Variants in ASIC4 observed in about 807,000 individuals in gnomAD.
ASIC4 encodes acid-sensing ion channel 4.
A neutral mutation model predicts 53.4 loss-of-function variants in ASIC4; 28 were observed. That is an observed-to-expected ratio of 0.52 (90% CI 0.39 to 0.72). The LOEUF is 0.72. Among genes scored for constraint, ASIC4 ranks in the 30% least tolerant of loss-of-function variants. The probability of loss-of-function intolerance (pLI) is 0.00; values close to 1 mark genes in which losing one functional copy is unlikely to be tolerated. For synonymous variants in ASIC4, 289 were observed against 301.4 expected (o/e 0.96, Z 0.43); for missense variants, 649 against 729.7 (o/e 0.89, Z 1.27).
chr2:219,525,242 A>T (rs1694944447), intron 1 of ASIC4, among the ~76,000 whole-genome samples: 1 of 152,244 alleles, frequency 6.6e-6, no homozygotes, highest in Non-Finnish European at 1.5e-5. Flanking sequence ...TTACTGGTGC[A>T]CGTATATGAC....
chr2:219,513,057 T>C (rs1295190494), upstream of ASIC4, among the ~76,000 whole-genome samples: 1 of 152,170 alleles, frequency 6.6e-6, no homozygotes, highest in Non-Finnish European at 1.5e-5. Flanking sequence ...GGGGTGGCCG[T>C]TGGGCAGCGG....
In ASIC4 at chr2:219,537,963, G is replaced by C; in HGVS notation, c.1537G>C (p.Gly513Arg). The C allele has an allele frequency of 6.2e-7, 1 of 1,612,244 alleles. No homozygotes were observed. The highest frequency in any genetic ancestry group is 2.2e-5 in the East Asian group (1 of 44,844). ...SPCPSRGRVEGGGVSSLLPNH... is the reference protein window; with the variant it reads ...SPCPSRGRVERGGVSSLLPNH... Reference sequence around the variant, plus strand: ...CTGCCCGAGCCGGGGCCGAGTGGAGGGTGGGGGGGTCAGCAGTCTGCTCCC... The same window carrying C: ...CTGCCCGAGCCGGGGCCGAGTGGAGCGTGGGGGGGTCAGCAGTCTGCTCCC... Residue 513 changes from glycine to arginine, a missense_variant, in exon 10 of 10, where the codon GGT becomes CGT. Coordinates refer to ENST00000358078, the MANE Select transcript of ASIC4 (RefSeq NM_018674.6). This position sits in a 1 kb window ranked among gnomAD's most constrained non-coding sequence, Gnocchi z 4.9.
At position 219,514,836 on chromosome 2, in the gene ASIC4, G is replaced by T. The variant is rs553060330; in HGVS notation, c.112G>T (p.Ala38Ser). Residue 38 changes from alanine (A) to serine (S), a missense_variant, in exon 1 of 10, where the codon GCC (alanine) becomes TCC (serine). By Grantham distance (99) the Ala-to-Ser change is moderately conservative. Transcript: ENST00000358078. ...CCTCGGGGCTGTTGCCCCTGGAGCA[G>T]CCCCCCGAGACCTGGCCACCTTTGC... Reference protein sequence around the residue: ...SLLGAVAPGAAPRDLATFAST... With the variant: ...SLLGAVAPGASPRDLATFAST... The T allele has an allele frequency of 1.2e-5, 19 of 1,613,210 alleles. No individual in the cohort carries two copies. The Admixed American group carries it at 2.2e-4, about 18-fold the overall frequency.
rs1304489815 is a variant in ASIC4 at position 219,538,197 on chromosome 2, A to C, written c.*151A>C. 8 of 688,330 alleles carry C rather than the reference A, an allele frequency of 1.2e-5. No individual in the cohort carries two copies. Among genetic ancestry groups the C allele is most frequent in the African/African-American group, 1.8e-5 (1 of 55,868 alleles). 42.6% of individuals were successfully genotyped at this position (688,330 alleles called of 1,614,324 possible). A position where few individuals can be genotyped will look rare whatever the true frequency, so the allele number is the denominator to read the frequency against. On this transcript the variant is annotated 3_prime_UTR_variant, in exon 10 of 10. Transcript: ENST00000358078. Reference sequence around the variant, plus strand: ...TCTCATCCTCCCCTGCCCTGATGTCAGCTGCTTTGCACAAAGGTCCTTCTT... The same window carrying C: ...TCTCATCCTCCCCTGCCCTGATGTCCGCTGCTTTGCACAAAGGTCCTTCTT...
intron 1 of ASIC4, among the ~76,000 whole-genome samples, chr2:219,520,821 G>A (rs1486134129): frequency 6.6e-6 from 1 of 152,190 alleles, no homozygotes; most frequent in Non-Finnish European, 1.5e-5. Flanking sequence ...ATACAGTAGG[G>A]AAGGGTGGGG....
intron 1 of ASIC4, among the ~76,000 whole-genome samples, chr2:219,523,196 G>A (rs983028313): frequency 6.6e-6 from 1 of 152,336 alleles, no homozygotes; most frequent in African/African-American, 2.4e-5. Flanking sequence ...GGGAATGTCA[G>A]GGAAGGACTT....
upstream of ASIC4, among the ~76,000 whole-genome samples, chr2:219,513,405 C>A (rs1574484772): frequency 6.6e-6 from 1 of 152,006 alleles, no homozygotes; most frequent in Non-Finnish European, 1.5e-5. Context: ...TGATGGCCCA[C>A]ATGCCTGTTC....
the ASIC4 span, among the ~76,000 whole-genome samples, chr2:219,508,686 C>T: frequency 6.6e-6 from 1 of 152,000 alleles, no homozygotes; most frequent in African/African-American, 2.4e-5. Context: ...TGCAGGGGGC[C>T]CCTTTGTCCA....
At chr2:219,535,880 C>A (rs951499032) in intron 6 of ASIC4, among the ~76,000 whole-genome samples, 2 of 150,282 alleles carry the variant, frequency 1.3e-5, no homozygotes, top group Non-Finnish European at 2.9e-5. Context: ...TCAAGCGATT[C>A]TTCTCCCTCA....
chr2:219,535,423 ATGTGTGTATGTGTT>A (rs1388421876), intron 6 of ASIC4, 99 bp downstream of exon 6: 9 of 1,308,500 alleles, frequency 6.9e-6, no homozygotes, highest in Middle Eastern at 2.7e-4. Context: ...GTGTGAGTGT[ATGTGTGTATGTGTT>A]TGTGTGTATG....
At chr2:219,509,033 C>T in the ASIC4 span, among the ~76,000 whole-genome samples, 1 of 143,370 alleles carries the variant, frequency 7.0e-6, no homozygotes, top group East Asian at 2.0e-4. The surrounding 1 kb of genome is among the most constrained non-coding windows in gnomAD (Gnocchi z 5.2). Context: ...AGGAGCCAGC[C>T]GAGGGGGAAA....
chr2:219,537,290 CG>C lies in ASIC4; in HGVS notation c.1371del (p.Leu458CysfsTer16). ...CTGTTCATTGGGGCCAGCATCCTCACGTTGCTGGAGATCCTCGACTACATCT... is the reference window on the plus strand; with the variant it reads ...CTGTTCATTGGGGCCAGCATCCTCACTTGCTGGAGATCCTCGACTACATCT... ...MGLFIGASIL[T>X]LLEILDYIYE... On this transcript the variant is annotated frameshift_variant, in exon 8 of 10. Coordinates refer to ENST00000358078, the MANE Select transcript of ASIC4 (RefSeq NM_018674.6). LOFTEE classifies it high-confidence loss of function. This position sits in a 1 kb window ranked among gnomAD's most constrained non-coding sequence, Gnocchi z 4.9. 6.2e-7 allele frequency: 1 copy of C among 1,613,568 alleles called. No homozygotes were observed. Among genetic ancestry groups the C allele is most frequent in the Non-Finnish European group, 8.5e-7 (1 of 1,179,852 alleles).
At chr2:219,523,965 A>G (rs1694927976) in intron 1 of ASIC4, among the ~76,000 whole-genome samples, 1 of 151,934 alleles carries the variant, frequency 6.6e-6, no homozygotes, top group African/African-American at 2.4e-5. Context: ...CTGGGACTAC[A>G]TGTGTGAGCC....
At chr2:219,508,894 A>C in the ASIC4 span, among the ~76,000 whole-genome samples, 9 of 136,554 alleles carry the variant, frequency 6.6e-5, no homozygotes, top group African/African-American at 5.3e-5. Context: ...TTATTCTGTA[A>C]AATCAGCGAG....
At chr2:219,513,759 A>G (rs1027272633), upstream of ASIC4, among the ~76,000 whole-genome samples, 2 of 152,218 alleles carry the variant, frequency 1.3e-5, no homozygotes, top group African/African-American at 4.8e-5. Context: ...TCCCAGACAT[A>G]TGAATGACTG....
intron 1 of ASIC4, among the ~76,000 whole-genome samples, chr2:219,522,431 C>T (rs1461685814): frequency 2.0e-5 from 3 of 151,386 alleles, no homozygotes; most frequent in Admixed American, 6.5e-5. Context: ...GGCTGGGAAC[C>T]CCTGGGCGAC....
chr2:219,519,600 C>A (rs1183585592), intron 1 of ASIC4, among the ~76,000 whole-genome samples: 1 of 152,244 alleles, frequency 6.6e-6, no homozygotes, highest in Non-Finnish European at 1.5e-5. Flanking sequence ...CTGTGCTTGT[C>A]CAACTTGGTA....
intron 5 of ASIC4, 104 bp from the exon 6 acceptor site, chr2:219,535,067 G>A (rs1695105605): frequency 6.8e-7 from 1 of 1,480,932 alleles, no homozygotes; most frequent in South Asian, 1.3e-5. Flanking sequence ...CTCAGTGTGG[G>A]TGTGCCTGCC....
chr2:219,532,844 G>A (rs775990190), intron 4 of ASIC4, 39 bp from the exon 5 acceptor site: 1 of 1,587,182 alleles, frequency 6.3e-7, no homozygotes, highest in Non-Finnish European at 8.6e-7. Context: ...GACAGGGGAA[G>A]TGATCGTAGA....
Sources: allele counts gnomAD v4.1 joint callset (sites outside exome capture counted in the v4.1 genomes callset), GRCh38; gene constraint gnomAD v4.1.1; non-coding constraint Gnocchi (gnomAD v3.1); transcripts MANE v1.5; gene names NCBI Gene and HGNC (gene_info 2026-07-23, HGNC 2026-07-21).